CEP55: variants seen among roughly 807,000 people sequenced by gnomAD.
CEP55 encodes the protein centrosomal protein of 55 kDa.
CEP55 carries 57 observed loss-of-function variants against 63.2 expected under a neutral mutation model. That is an observed-to-expected ratio of 0.90 (90% CI 0.73 to 1.13). The LOEUF is 1.13. Ranked by LOEUF, CEP55 falls within the 50% of genes most tolerant of loss-of-function variation. The pLI, the probability that CEP55 is intolerant of heterozygous loss-of-function variation, is 0.00. For missense variants in CEP55, 456 were observed against 518.9 expected, an observed-to-expected ratio of 0.88 and a Z score of 1.18; for synonymous variants, 178 against 191.6, an observed-to-expected ratio of 0.93 and a Z score of 0.59.
chr10:93,499,753 CT>C (rs1234461027), intron 1 of CEP55, among the ~76,000 whole-genome samples: 3 of 152,066 alleles, frequency 2.0e-5, no homozygotes, highest in Non-Finnish European at 4.4e-5. Context: ...AACTCCTGAC[CT>C]CATGATCCAC....
intron 4 of CEP55, chr10:93,510,477 T>C (rs2057734444): frequency 6.6e-6 from 1 of 152,048 alleles, no homozygotes; most frequent in East Asian, 2.0e-4. Context: ...CTGTTTTTCC[T>C]CTTTCAACCC....
At chr10:93,510,916 C>G (rs2057740678) in intron 4 of CEP55, among the ~76,000 whole-genome samples, 2 of 149,598 alleles carry the variant, frequency 1.3e-5, no homozygotes, top group Admixed American at 1.3e-4. Flanking sequence ...TGGGCGAAGA[C>G]CTTTATAGCA....
intron 8 of CEP55, among the ~76,000 whole-genome samples, chr10:93,527,651 A>C (rs913618328): frequency 2.0e-5 from 3 of 152,054 alleles, no homozygotes; most frequent in Non-Finnish European, 4.4e-5. Context: ...AGATCACTTG[A>C]GCTTAGGAGT....
chr10:93,514,433 G>C (rs1379465036), intron 4 of CEP55, among the ~76,000 whole-genome samples: 2 of 152,204 alleles, frequency 1.3e-5, no homozygotes, highest in African/African-American at 4.8e-5. Context: ...TGTTAAGTTT[G>C]ATCCTCTAAA....
chr10:93,525,923 T>C (rs1159942034), intron 8 of CEP55, among the ~76,000 whole-genome samples: 16 of 152,118 alleles, frequency 1.1e-4, no homozygotes, highest in Non-Finnish European at 1.5e-4. Context: ...TTACACCTTA[T>C]ACAAAAATTA....
intron 8 of CEP55, among the ~76,000 whole-genome samples, chr10:93,520,905 AT>A (rs1564768641): frequency 6.6e-6 from 1 of 152,212 alleles, no homozygotes; most frequent in Non-Finnish European, 1.5e-5. Context: ...AAAATTTATA[AT>A]TCATTTTTGT....
intron 4 of CEP55, among the ~76,000 whole-genome samples, chr10:93,515,022 C>T (rs2134480188): frequency 6.6e-6 from 1 of 152,304 alleles, no homozygotes. Context: ...ATCCACCACC[C>T]TCGGCCTCTC....
At chr10:93,519,407 A>T (rs1317419939) in intron 7 of CEP55, among the ~76,000 whole-genome samples, 3 of 152,210 alleles carry the variant, frequency 2.0e-5, no homozygotes, top group African/African-American at 7.2e-5. Context: ...TTCCCCCTTA[A>T]AAAAGGTGGA....
intron 8 of CEP55, among the ~76,000 whole-genome samples, chr10:93,524,785 A>C (rs560643598): frequency 6.6e-6 from 1 of 152,358 alleles, no homozygotes; most frequent in Admixed American, 6.5e-5. Flanking sequence ...CTGGTTCAAC[A>C]TACGCAAATC....
chr10:93,505,741 G>A (rs1220309163), intron 3 of CEP55, among the ~76,000 whole-genome samples: 5 of 152,116 alleles, frequency 3.3e-5, no homozygotes, highest in Admixed American at 3.3e-4. Context: ...GGCCAGCCTG[G>A]CTACCTAGCC....
At position 93,525,290 on chromosome 10, in the gene CEP55, C is replaced by T. The variant is rs1252331655; in HGVS notation, c.1192-2660C>T. Among the ~76,000 whole-genome samples the T allele has an allele frequency of 4.6e-5, 7 of 152,200 alleles. No homozygotes were observed. In the South Asian group the frequency reaches 1.5e-3, roughly 32 times the overall value. ...CAAAAATCACAAGCATTCTTATACA[C>T]CAATAACAGACAGAGAGCCAAATCA... On this transcript the variant is annotated intron_variant, in intron 8 of 8. Coordinates refer to ENST00000371485, the MANE Select transcript of CEP55 (RefSeq NM_018131.5).
intron 7 of CEP55, chr10:93,519,217 C>T: frequency 4.5e-6 from 2 of 445,850 alleles, no homozygotes; most frequent in Non-Finnish European, 8.1e-6. Flanking sequence ...GCAAATTTTG[C>T]TCTTCCCCAG....
chr10:93,520,439 A>AAG (rs2057848915), intron 8 of CEP55, among the ~76,000 whole-genome samples: 1 of 148,974 alleles, frequency 6.7e-6, no homozygotes, highest in South Asian at 2.1e-4. Context: ...AAAAAAAAAA[A>AAG]AAAGAAAAAG....
intron 3 of CEP55, among the ~76,000 whole-genome samples, chr10:93,503,968 A>G (rs1355386040): frequency 6.6e-6 from 1 of 150,774 alleles, no homozygotes; most frequent in African/African-American, 2.4e-5. Flanking sequence ...TCTAAATCTT[A>G]GTTTCTTTTT....
At chr10:93,499,514 T>C (rs896314551) in intron 1 of CEP55, among the ~76,000 whole-genome samples, 2 of 148,314 alleles carry the variant, frequency 1.3e-5, no homozygotes, top group Non-Finnish European at 1.5e-5. Flanking sequence ...AATGTACAAG[T>C]TGACTTTTTT....
Position 93,527,936 on chromosome 10 carries a change from A to C in CEP55, c.1192-14A>C. 2 of 1,607,200 alleles carry C rather than the reference A, an allele frequency of 1.2e-6. No individual in the cohort carries two copies. The highest frequency in any genetic ancestry group is 1.7e-6 in the Non-Finnish European group (2 of 1,176,600). ...CCTATTTACAAATTCTATTATTTGA[A>C]ACTTATTTTTCAGAAACAGCTTCAT... On this transcript the variant is annotated splice_polypyrimidine_tract_variant and intron_variant, in intron 8 of 8. Coordinates refer to ENST00000371485, the MANE Select transcript of CEP55 (RefSeq NM_018131.5).
chr10:93,510,287 A>G (rs2057731906), intron 4 of CEP55, among the ~76,000 whole-genome samples: 1 of 152,238 alleles, frequency 6.6e-6, no homozygotes, highest in African/African-American at 2.4e-5. Context: ...AAATATCCGA[A>G]TTTTAAGCAT....
rs778571486 is a variant in CEP55, at chr10:93,519,690, A to G, written c.1074A>G (p.Ala358=). The G allele has an allele frequency of 3.7e-6, 6 of 1,614,072 alleles. No individual in the cohort carries two copies. Among genetic ancestry groups the G allele is most frequent in the Middle Eastern group, 1.6e-4 (1 of 6,084 alleles). Residue 358 remains alanine (A), a synonymous_variant, in exon 8 of 9, where the codon GCA becomes GCG. Transcript: ENST00000371485. ...RVALLEQQMQ[A]CTLDFENEKL... ...TTCTGGGCCTTTTCCAGATGCAGGC[A>G]TGTACTTTAGACTTTGAAAATGAAA...
chr10:93,516,620 A>AAT (rs1230962043), intron 5 of CEP55, among the ~76,000 whole-genome samples: 32 of 152,140 alleles, frequency 2.1e-4, no homozygotes, highest in African/African-American at 7.5e-4. Flanking sequence ...TTCTATTTTT[A>AAT]ATTTTGATAG....
Sources: gnomAD v4.1 joint callset for allele counts (sites outside exome capture counted in the v4.1 genomes callset) on GRCh38, gnomAD v4.1.1 for gene constraint, MANE v1.5 for transcripts, NCBI Gene and HGNC (gene_info 2026-07-23, HGNC 2026-07-21) for gene names.